RAB40A: variants seen among roughly 807,000 people sequenced by gnomAD.
RAB40A encodes the protein RAB40A, member RAS oncogene family.
For synonymous variants in RAB40A, 65 were observed against 99.9 expected (o/e 0.65, Z 2.08); for missense variants, 145 against 230.2 (o/e 0.63, Z 2.40).
downstream of RAB40A, among the ~76,000 whole-genome samples, chrX:103,496,666 C>T (rs1298092120): frequency 8.9e-6 from 1 of 112,296 alleles, no homozygotes; most frequent in South Asian, 3.6e-4. Context: ...TGCAGTAAAT[C>T]TATTTGCAAA....
chrX:103,503,077 A>T, intron 2 of RAB40A: 2 of 752,112 alleles, frequency 2.7e-6, no homozygotes, highest in Non-Finnish European at 1.6e-6. Flanking sequence ...AATGTTCTCT[A>T]CATTCTTGGA....
At chrX:103,505,223 T>C (rs144417939) in intron 2 of RAB40A, among the ~76,000 whole-genome samples, 2,029 of 112,406 alleles carry the variant, frequency 0.018, 44 homozygotes, top group African/African-American at 0.062. Flanking sequence ...TGGTAGAGTA[T>C]TTCATTTTAT....
chrX:103,493,623 T>A, the RAB40A span, among the ~76,000 whole-genome samples: 2 of 111,896 alleles, frequency 1.8e-5, no homozygotes, highest in Non-Finnish European at 3.8e-5. Flanking sequence ...TTCTAGTCTC[T>A]ACCTCCATGA....
rs890748531 is a variant in RAB40A, at chrX:103,500,409, G to A, written c.348C>T (p.Ala116=). Residue 116 remains alanine, a synonymous_variant, in exon 3 of 3, where the codon GCC becomes GCT. Coordinates refer to ENST00000304236, the MANE Select transcript of RAB40A (RefSeq NM_080879.3). Reference sequence around the variant, plus strand: ...CCACCAGGATTTTAGGGACACCAGGGGCATGTTCCTCAATCTTCTTAATCC... The same window carrying A: ...CCACCAGGATTTTAGGGACACCAGGAGCATGTTCCTCAATCTTCTTAATCC... The part of the protein sequence containing the change: ...DRWIKKIEEH[A]PGVPKILVGN... 1.7e-6 allele frequency: 2 copies of A among 1,208,644 alleles called. No homozygotes were observed. The highest frequency in any genetic ancestry group is 2.2e-6 in the Non-Finnish European group (2 of 894,557).
At chrX:103,508,501 G>C (rs897696030) in intron 2 of RAB40A, among the ~76,000 whole-genome samples, 1 of 111,866 alleles carries the variant, frequency 8.9e-6, no homozygotes. Flanking sequence ...GGACTTCAAT[G>C]GTCCTTTAAA....
chrX:103,515,238 T>C (rs1351372649), intron 2 of RAB40A, among the ~76,000 whole-genome samples: 5 of 112,255 alleles, frequency 4.5e-5, no homozygotes, highest in Non-Finnish European at 9.4e-5. Context: ...CTTTCTGGGG[T>C]TGAAACAAAG....
intron 2 of RAB40A, chrX:103,503,569 C>T (rs2073239892): frequency 6.3e-6 from 4 of 635,876 alleles, no homozygotes; most frequent in Non-Finnish European, 7.4e-6. Context: ...AAATGTCCTC[C>T]TTTAAAAAAA....
intron 2 of RAB40A, among the ~76,000 whole-genome samples, chrX:103,506,415 C>G (rs769145138): frequency 9.0e-6 from 1 of 111,609 alleles, no homozygotes; most frequent in African/African-American, 3.3e-5. Context: ...AACTGACATG[C>G]TTTTAAAAAA....
downstream of RAB40A, among the ~76,000 whole-genome samples, chrX:103,498,044 T>TA (rs771612970): frequency 4.5e-5 from 5 of 112,184 alleles, no homozygotes; most frequent in East Asian, 1.4e-3. Context: ...CATCAAAGTA[T>TA]AAAAAGAAAC....
the RAB40A span, among the ~76,000 whole-genome samples, chrX:103,493,528 T>C: frequency 9.0e-6 from 1 of 111,567 alleles, no homozygotes; most frequent in South Asian, 3.8e-4. Context: ...GTCTTATTCA[T>C]TCTTTCTAAT....
chrX:103,509,772 G>GT (rs1333166748), intron 2 of RAB40A, among the ~76,000 whole-genome samples: 21 of 102,815 alleles, frequency 2.0e-4, no homozygotes, highest in East Asian at 3.1e-4. Flanking sequence ...ATCATGAGCA[G>GT]TTTTTTTTGT....
chrX:103,496,670 T>G (rs1444610026), downstream of RAB40A, among the ~76,000 whole-genome samples: 1 of 112,507 alleles, frequency 8.9e-6, no homozygotes, highest in African/African-American at 3.2e-5. Context: ...GTAAATCTAT[T>G]TGCAAAATTC....
intron 2 of RAB40A, among the ~76,000 whole-genome samples, chrX:103,508,439 G>C (rs2073268508): frequency 8.9e-6 from 1 of 111,920 alleles, no homozygotes; most frequent in African/African-American, 3.3e-5. Context: ...TTCTTACTGA[G>C]CTGTATGAGG....
At position 103,509,342 on chromosome X, in the gene RAB40A, T is replaced by G. The variant is rs778080946; in HGVS notation, c.-71+8032A>C. ...CTCTGTCTCTCTGTCTCTCTGTCTC[T>G]TCTTTCCCCTCCCCTCTCCCCTAAC... On this transcript the variant is annotated intron_variant, in intron 2 of 2. Coordinates refer to ENST00000304236, the MANE Select transcript of RAB40A (RefSeq NM_080879.3). Among the ~76,000 whole-genome samples the G allele has an allele frequency of 4.6e-3, 467 of 101,357 alleles. 7 individuals carry two copies. Among genetic ancestry groups the G allele is most frequent in the African/African-American group, 0.016 (434 of 26,729 alleles). The allele number at this position is 101,357 out of a possible 115,157, so 88.0% of individuals were successfully genotyped here.
At chrX:103,508,287 T>C (rs958471799) in intron 2 of RAB40A, among the ~76,000 whole-genome samples, 2 of 111,312 alleles carry the variant, frequency 1.8e-5, no homozygotes, top group African/African-American at 6.5e-5. Flanking sequence ...TGGAAGCCCA[T>C]CTTCTAAAGG....
chrX:103,493,565 C>T, the RAB40A span, among the ~76,000 whole-genome samples: 1 of 111,529 alleles, frequency 9.0e-6, no homozygotes, highest in East Asian at 2.8e-4. Flanking sequence ...ACCATATGCA[C>T]CTCCCCTCCA....
chrX:103,505,831 C>T (rs1169401910), intron 2 of RAB40A, among the ~76,000 whole-genome samples: 1 of 110,891 alleles, frequency 9.0e-6, no homozygotes, highest in Non-Finnish European at 1.9e-5. Context: ...GATTATTTGC[C>T]ACCCCAACTA....
intron 2 of RAB40A, among the ~76,000 whole-genome samples, chrX:103,506,274 C>T (rs2073254369): frequency 9.0e-6 from 1 of 111,248 alleles, no homozygotes; most frequent in African/African-American, 3.3e-5. Context: ...CCCTTACTCC[C>T]TTCCCTCCCT....
At chrX:103,495,295 T>G (rs574446868), downstream of RAB40A, among the ~76,000 whole-genome samples, 2 of 112,376 alleles carry the variant, frequency 1.8e-5, no homozygotes, top group African/African-American at 6.5e-5. Flanking sequence ...TGTTTATGAG[T>G]TCTAATCGTT....
Sources: allele counts gnomAD v4.1 joint callset (sites outside exome capture counted in the v4.1 genomes callset), GRCh38; gene constraint gnomAD v4.1.1; transcripts MANE v1.5; gene names NCBI Gene and HGNC (gene_info 2026-07-23, HGNC 2026-07-21).